Variants in CHD9 observed in about 807,000 individuals in gnomAD.
CHD9 encodes chromodomain helicase DNA binding protein 9, also known as ATP-dependent chromatin remodeler CHD9.
Under a neutral mutation model 316.1 loss-of-function variants are expected in CHD9, and 77 were observed. That is an observed-to-expected ratio of 0.24 (90% CI 0.20 to 0.29). The LOEUF is 0.29. Among genes scored for constraint, CHD9 ranks in the 10% least tolerant of loss-of-function variants. The pLI is 1.00. For missense variants in CHD9, 2,763 were observed against 3,438.1 expected, an observed-to-expected ratio of 0.80 and a Z score of 4.91; for synonymous variants, 1,129 against 1,158.3, an observed-to-expected ratio of 0.97 and a Z score of 0.51.
Position 53,209,521 on chromosome 16 carries a change from A to G in CHD9, c.1492A>G (p.Thr498Ala). 1 of 1,613,722 alleles carries G rather than the reference A, an allele frequency of 6.2e-7. No individual in the cohort carries two copies. Among genetic ancestry groups the G allele is most frequent in the East Asian group, 2.2e-5 (1 of 44,852 alleles). The change falls in exon 3 of 39, where the codon ACT becomes GCT. Residue 498 changes from threonine (T) to alanine (A), a missense_variant. Coordinates refer to ENST00000447540, the MANE Select transcript of CHD9 (RefSeq NM_001308319.2). ...SKKSDGSGTY[T>A]KLQNTQVRVM... Reference sequence around the variant, plus strand: ...GAAGAGCGATGGTTCTGGGACATATACTAAGTTGCAGAATACCCAGGTGAG... The same window carrying G: ...GAAGAGCGATGGTTCTGGGACATATGCTAAGTTGCAGAATACCCAGGTGAG...
At chr16:53,128,474 G>A (rs535334405) in intron 1 of CHD9, among the ~76,000 whole-genome samples, 5 of 152,178 alleles carry the variant, frequency 3.3e-5, no homozygotes, top group Non-Finnish European at 4.4e-5. Flanking sequence ...GAGCCACCAC[G>A]CCTGGCCCGG....
At chr16:53,238,307 C>T in intron 11 of CHD9, 36 bp from the exon 12 acceptor site, 3 of 1,529,440 alleles carry the variant, frequency 2.0e-6, no homozygotes, top group Non-Finnish European at 2.7e-6. Flanking sequence ...AAAAAAAACC[C>T]AATGTATGCA....
chr16:53,311,551 C>T (rs1234461974), intron 34 of CHD9: 1 of 152,168 alleles, frequency 6.6e-6, no homozygotes, highest in East Asian at 1.9e-4. Context: ...TATTAAAATT[C>T]TTCATTTTCC....
At chr16:53,135,103 T>C (rs556229731) in intron 1 of CHD9, among the ~76,000 whole-genome samples, 122 of 151,950 alleles carry the variant, frequency 8.0e-4, no homozygotes, top group African/African-American at 2.8e-3. Flanking sequence ...GAGAAAAGAG[T>C]TTCTTGGAAG....
At chr16:53,240,781 T>G (rs1213364303) in intron 12 of CHD9, among the ~76,000 whole-genome samples, 1 of 152,184 alleles carries the variant, frequency 6.6e-6, no homozygotes, top group African/African-American at 2.4e-5. Context: ...CCAGGCATTA[T>G]GCTAAACAGT....
At chr16:53,075,331 C>T (rs2034431663) in intron 1 of CHD9, among the ~76,000 whole-genome samples, 1 of 152,044 alleles carries the variant, frequency 6.6e-6, no homozygotes, top group Non-Finnish European at 1.5e-5. Flanking sequence ...GGAATGTGGA[C>T]TTTGGGGTTA....
chr16:53,124,469 T>TG (rs2038883667), intron 1 of CHD9, among the ~76,000 whole-genome samples: 1 of 122,950 alleles, frequency 8.1e-6, no homozygotes. Context: ...GAGACTTAAT[T>TG]TTTTTTTTTT....
chr16:53,276,416 T>C (rs148209670), intron 24 of CHD9, among the ~76,000 whole-genome samples: 12 of 152,302 alleles, frequency 7.9e-5, no homozygotes, highest in African/African-American at 2.9e-4. Context: ...TCCTACTCTT[T>C]AAGAGAACCA....
intron 3 of CHD9, among the ~76,000 whole-genome samples, chr16:53,214,505 A>G (rs1597461256): frequency 1.3e-5 from 2 of 151,878 alleles, no homozygotes; most frequent in African/African-American, 4.8e-5. Flanking sequence ...ATTATTAGGC[A>G]TACCATTAGT....
intron 34 of CHD9, chr16:53,310,864 A>AATG (rs2056414405): frequency 6.9e-6 from 1 of 144,962 alleles, no homozygotes; most frequent in African/African-American, 2.5e-5. Context: ...AAACAATAAT[A>AATG]ATAATAATAA....
intron 25 of CHD9, 131 bp from the exon 26 acceptor site, chr16:53,286,094 TA>T (rs1567622360): frequency 5.5e-6 from 3 of 549,650 alleles, no homozygotes; most frequent in Non-Finnish European, 6.5e-6. Context: ...AAAACATACT[TA>T]ACCTATATCA....
chr16:53,218,740 T>C (rs1373784629), intron 3 of CHD9, among the ~76,000 whole-genome samples: 2 of 152,172 alleles, frequency 1.3e-5, no homozygotes, highest in Admixed American at 1.3e-4. Flanking sequence ...AAATACCTTT[T>C]TAAGCAATAT....
At chr16:53,138,443 A>T (rs148482302) in intron 1 of CHD9, among the ~76,000 whole-genome samples, 50 of 152,348 alleles carry the variant, frequency 3.3e-4, no homozygotes, top group African/African-American at 1.2e-3. Context: ...TACATGTCGT[A>T]TTAAACTACT....
At chr16:53,247,641 GA>G (rs1457096397) in intron 16 of CHD9, 138 bp downstream of exon 16, 6 of 658,264 alleles carry the variant, frequency 9.1e-6, no homozygotes, top group Non-Finnish European at 1.5e-5. Context: ...TATAAGTAAA[GA>G]TTGTTTAGGA....
At chr16:53,259,461 A>G (rs1567576251) in intron 19 of CHD9, among the ~76,000 whole-genome samples, 1 of 152,054 alleles carries the variant, frequency 6.6e-6, no homozygotes, top group Admixed American at 6.6e-5. Context: ...TGTCCTTTCA[A>G]TTACTTCATG....
intron 1 of CHD9, among the ~76,000 whole-genome samples, chr16:53,132,959 C>T (rs985004728): frequency 6.6e-6 from 1 of 152,038 alleles, no homozygotes; most frequent in Admixed American, 6.6e-5. Flanking sequence ...CAGGTGCGCG[C>T]CACCACGCCC....
intron 30 of CHD9, among the ~76,000 whole-genome samples, chr16:53,300,551 A>G (rs1215501530): frequency 1.3e-5 from 2 of 152,244 alleles, no homozygotes; most frequent in Admixed American, 6.5e-5. Flanking sequence ...AGAAGGTGGC[A>G]TGGCTTTATG....
chr16:53,055,478 C>A (rs2031955105), intron 1 of CHD9, among the ~76,000 whole-genome samples: 1 of 144,200 alleles, frequency 6.9e-6, no homozygotes, highest in African/African-American at 2.7e-5. Context: ...AATACCGATG[C>A]CCTAGTTCCA....
Position 53,324,311 on chromosome 16 carries a change from G to A in CHD9, c.8110G>A (p.Ala2704Thr). ...TACCGGCCTTCCTTCTGGAGGAGAA[G>A]CTAAAAACATGGCTGCTATGTTCCC... ...MPTGLPSGGE[A>T]KNMAAMFPML... Residue 2704 changes from alanine (A) to threonine (T), a missense_variant, in exon 39 of 39, where the codon GCT (alanine) becomes ACT (threonine). This residue lies in a region of CHD9 where 298 missense variants were observed against 380.2 expected (regional missense o/e 0.78). Transcript: ENST00000447540. The A allele has an allele frequency of 6.2e-7, 1 of 1,613,988 alleles. No homozygotes were observed. Among genetic ancestry groups the A allele is most frequent in the Non-Finnish European group, 8.5e-7 (1 of 1,179,860 alleles).
Sources: gnomAD v4.1 joint callset for allele counts (sites outside exome capture counted in the v4.1 genomes callset) on GRCh38, gnomAD v4.1.1 for gene constraint, gnomAD v4.1.1 regional missense constraint, MANE v1.5 for transcripts, NCBI Gene and HGNC (gene_info 2026-07-23, HGNC 2026-07-21) for gene names.